Variants in TNRC18 observed in about 807,000 individuals in gnomAD.
The protein encoded by TNRC18 is trinucleotide repeat-containing gene 18 protein.
A neutral mutation model predicts 226.7 loss-of-function variants in TNRC18; 69 were observed. The ratio of observed to expected loss-of-function variants is 0.30; its 90% CI spans 0.25 to 0.37. The LOEUF (loss-of-function observed/expected upper bound fraction) is 0.37. TNRC18 is among the 10% of genes least tolerant of loss of function. The probability of loss-of-function intolerance (pLI) is 1.00; values close to 1 mark genes in which losing one functional copy is unlikely to be tolerated. For synonymous variants in TNRC18, 2,449 were observed against 1,927.6 expected, an observed-to-expected ratio of 1.27 and a Z score of -7.09; for missense variants, 4,754 against 4,256.6, an observed-to-expected ratio of 1.12 and a Z score of -3.25.
intron 24 of TNRC18, among the ~76,000 whole-genome samples, chr7:5,317,633 G>T (rs1157559438): frequency 6.7e-6 from 1 of 150,290 alleles, no homozygotes; most frequent in African/African-American, 2.4e-5. Context: ...AATCCTCTGA[G>T]AAAGTTTAAA....
intron 2 of TNRC18, among the ~76,000 whole-genome samples, chr7:5,414,136 G>A (rs948026218): frequency 6.6e-6 from 1 of 151,558 alleles, no homozygotes; most frequent in Non-Finnish European, 1.5e-5. Context: ...TAGTAGAGAT[G>A]GGATTTCACC....
intron 18 of TNRC18, among the ~76,000 whole-genome samples, chr7:5,336,105 G>A (rs1266388572): frequency 6.6e-6 from 1 of 151,956 alleles, no homozygotes; most frequent in Admixed American, 6.6e-5. Flanking sequence ...TACTTGGGAT[G>A]CTGAGGCACA....
In TNRC18 at chr7:5,389,058, G is replaced by C. The variant is rs923869129; in HGVS notation, c.766C>G (p.Pro256Ala). The C allele has an allele frequency of 3.9e-6, 5 of 1,285,166 alleles. No individual in the cohort carries two copies. In the African/African-American group the frequency reaches 6.4e-5, roughly 17 times the overall value. 79.6% of individuals were successfully genotyped at this position (1,285,166 alleles called of 1,614,324 possible). A position where few individuals can be genotyped will look rare whatever the true frequency, so the allele number is the denominator to read the frequency against. The change falls in exon 5 of 30, where the codon CCG becomes GCG. Residue 256 changes from proline (P) to alanine (A), a missense_variant. Physicochemically the swap from Pro to Ala is conservative, Grantham distance 27. Coordinates refer to ENST00000430969, the MANE Select transcript of TNRC18 (RefSeq NM_001080495.3). Reference protein sequence around the residue: ...RAEGRQDRGPPRLAERLSPFL... With the variant: ...RAEGRQDRGPARLAERLSPFL... ...GGCGACAGGCGCTCAGCCAGGCGCG[G>C]GGGCCCCCGGTCCTGGCGGCCCTCG...
intron 16 of TNRC18, among the ~76,000 whole-genome samples, chr7:5,356,216 C>T (rs1792358599): frequency 6.6e-6 from 1 of 151,130 alleles, no homozygotes; most frequent in Non-Finnish European, 1.5e-5. Context: ...GCCATGATGG[C>T]AGCAGGTTCC....
intron 19 of TNRC18, among the ~76,000 whole-genome samples, chr7:5,330,738 A>G (rs1250120859): frequency 6.6e-6 from 1 of 152,110 alleles, no homozygotes; most frequent in East Asian, 1.9e-4. Context: ...CAGTGGCACA[A>G]TCTCAGCTCA....
Position 5,347,095 on chromosome 7 carries a change from C to T in TNRC18, c.5471-1285G>A, listed in dbSNP as rs566714084. ...AGGTGGCTCACTCCTGTAATCCCAG[C>T]CCTCTGAGAGGCTGAGGCGGGAAGA... On this transcript the variant is annotated intron_variant, in intron 17 of 29. Coordinates refer to ENST00000430969, the MANE Select transcript of TNRC18 (RefSeq NM_001080495.3). Among the ~76,000 whole-genome samples, 115 of 152,206 alleles carry T rather than the reference C, an allele frequency of 7.6e-4. 1 individual carries two copies. The highest frequency in any genetic ancestry group is 1.4e-3 in the Non-Finnish European group (94 of 68,014).
At chr7:5,325,473 G>C (rs1319049127) in intron 19 of TNRC18, 1 of 494,474 alleles carries the variant, frequency 2.0e-6, no homozygotes, top group African/African-American at 2.1e-5. Context: ...ACCGAGGCTG[G>C]AGCGCAGTGG....
Position 5,376,657 on chromosome 7 carries a change from G to C in TNRC18, c.2608+190C>G, listed in dbSNP as rs11769299. Reference sequence around the variant, plus strand: ...TTCTCTTTATGGAGTTTTTGGGCAGGAGCTCATTGCAACAAGGACCCCAAG... The same window carrying C: ...TTCTCTTTATGGAGTTTTTGGGCAGCAGCTCATTGCAACAAGGACCCCAAG... On this transcript the variant is annotated intron_variant, in intron 8 of 29. Transcript: ENST00000430969. 5.8e-3 allele frequency among the ~76,000 whole-genome samples: 878 copies of C among 152,254 alleles called. 6 individuals carry two copies. The highest frequency in any genetic ancestry group is 8.2e-3 in the Non-Finnish European group (560 of 68,010).
In TNRC18 at chr7:5,357,330, G is replaced by C. The variant is rs1211956611; in HGVS notation, c.4834-54C>G. 3.3e-6 allele frequency: 5 copies of C among 1,529,636 alleles called. No homozygotes were observed. The Admixed American group carries it at 6.0e-5, about 18-fold the overall frequency. 94.8% of individuals were successfully genotyped at this position (1,529,636 alleles called of 1,614,324 possible). On this transcript the variant is annotated intron_variant, in intron 15 of 29. Transcript: ENST00000430969. The stretch of plus-strand genomic sequence containing the variant: ...AAAGATCTGACAAAACAGTATAGTG[G>C]GTTTCAGTGCACATGCTCTGCCCAG...
rs1269446103 is a variant in TNRC18, at chr7:5,374,265, T to C, written c.3019A>G (p.Lys1007Glu). 5 of 1,495,548 alleles carry C rather than the reference T, an allele frequency of 3.3e-6. No homozygotes were observed. Among genetic ancestry groups the C allele is most frequent in the Non-Finnish European group, 4.5e-6 (5 of 1,122,644 alleles). The allele number at this position is 1,495,548 out of a possible 1,614,324, so 92.6% of individuals were successfully genotyped here. ...RASPVAALKA[K>E]VIQKLEDVSK... ...ACGTCCTCCAGCTTCTGGATGACCT[T>C]GGCCTTCAGGGCAGCCACAGGGGAT... Residue 1007 changes from lysine (K) to glutamate (E), a missense_variant, in exon 10 of 30, where the codon AAG becomes GAG. By Grantham distance (56) the Lys-to-Glu change is moderately conservative. Coordinates refer to ENST00000430969, the MANE Select transcript of TNRC18 (RefSeq NM_001080495.3).
Position 5,377,257 on chromosome 7 carries a change from G to A in TNRC18, c.2461+114C>T. 1 of 1,234,430 alleles carries A rather than the reference G, an allele frequency of 8.1e-7. No homozygotes were observed. Among genetic ancestry groups the A allele is most frequent in the East Asian group, 2.6e-5 (1 of 38,980 alleles). 76.5% of individuals were successfully genotyped at this position (1,234,430 alleles called of 1,614,324 possible). Reference sequence around the variant, plus strand: ...TTCTTCCGACGAATGCGGGAGGCAGGCCCAGGCCCCCCAGGAAACGGCAGG... The same window carrying A: ...TTCTTCCGACGAATGCGGGAGGCAGACCCAGGCCCCCCAGGAAACGGCAGG... On this transcript the variant is annotated intron_variant, in intron 7 of 29. Coordinates refer to ENST00000430969, the MANE Select transcript of TNRC18 (RefSeq NM_001080495.3). The surrounding 1 kb of genome is among the most constrained non-coding windows in gnomAD (Gnocchi z 5.8).
chr7:5,308,118 G>A lies in TNRC18; in HGVS notation c.8895C>T (p.Pro2965=), dbSNP rs9639976. The change falls in exon 30 of 30, where the codon CCC becomes CCT. Residue 2965 remains proline, a synonymous_variant. Coordinates refer to ENST00000430969, the MANE Select transcript of TNRC18 (RefSeq NM_001080495.3). ...GGGCCCGGCGGGCTCAGCAGAGCAC[G>A]GGCACGCCGTCCGTGGAGAAGATCA... ...TGMIFSTDGV[P]VLC 0.25 allele frequency: 380,388 copies of A among 1,551,608 alleles called. 50,114 individuals carry two copies. The highest frequency in any genetic ancestry group is 0.27 in the Non-Finnish European group (312,815 of 1,148,248).
chr7:5,315,569 G>A (rs192835434), intron 25 of TNRC18, among the ~76,000 whole-genome samples: 78 of 152,146 alleles, frequency 5.1e-4, no homozygotes, highest in African/African-American at 1.5e-3. Context: ...GACTACAGGC[G>A]CATGTCACCA....
At chr7:5,363,710 G>C (rs968423163) in intron 11 of TNRC18, among the ~76,000 whole-genome samples, 8 of 152,100 alleles carry the variant, frequency 5.3e-5, no homozygotes, top group African/African-American at 7.2e-5. Context: ...GCCTCCAGAG[G>C]GAGGGCCTCC....
At position 5,309,394 on chromosome 7, in the gene TNRC18, C is replaced by A; in HGVS notation, c.8389-26G>T. 6.3e-7 allele frequency: 1 copy of A among 1,579,204 alleles called. No individual in the cohort carries two copies. Among genetic ancestry groups the A allele is most frequent in the South Asian group, 1.2e-5 (1 of 86,512 alleles). Reference sequence around the variant, plus strand: ...CTGCAAGGACACGTGTGTCACGGCACAGGCCCTGGCCCAGCCCCAAGGAGC... The same window carrying A: ...CTGCAAGGACACGTGTGTCACGGCAAAGGCCCTGGCCCAGCCCCAAGGAGC... On this transcript the variant is annotated intron_variant, in intron 27 of 29. Transcript: ENST00000430969. This position sits in a 1 kb window ranked among gnomAD's most constrained non-coding sequence, Gnocchi z 5.7.
chr7:5,320,302 G>A lies in TNRC18; in HGVS notation c.6745+16C>T. 1 of 1,541,354 alleles carries A rather than the reference G, an allele frequency of 6.5e-7. No individual in the cohort carries two copies. The highest frequency in any genetic ancestry group is 1.2e-5 in the South Asian group (1 of 83,722). On this transcript the variant is annotated intron_variant, in intron 24 of 29. Transcript: ENST00000430969. ...ATGTTAGGCGGCAGGGGAGAGCTGGGGAGGAGGCATCTCACCTCGGACCAC... is the reference window on the plus strand; with the variant it reads ...ATGTTAGGCGGCAGGGGAGAGCTGGAGAGGAGGCATCTCACCTCGGACCAC...
At chr7:5,378,608 C>T (rs1052411013) in intron 5 of TNRC18, among the ~76,000 whole-genome samples, 13 of 151,516 alleles carry the variant, frequency 8.6e-5, no homozygotes, top group African/African-American at 1.5e-4. Flanking sequence ...TTAGTAGAGA[C>T]GGGGCTTCAC....
At position 5,313,690 on chromosome 7, in the gene TNRC18, G is replaced by A. The variant is rs748121957; in HGVS notation, c.7201C>T (p.Pro2401Ser). The A allele has an allele frequency of 8.1e-6, 13 of 1,605,688 alleles. No individual in the cohort carries two copies. In the South Asian group the frequency reaches 1.2e-4, roughly 15 times the overall value. ...PAPPQPSPAP[P>S]AFTSCPAPEP... ...GGTGCTGGGCAGCTGGTGAAGGCGG[G>A]TGGTGCGGGACTGGGCTGCGGCGGT... Residue 2401 changes from proline to serine, a missense_variant, in exon 27 of 30, where the codon CCC becomes TCC. Pro to Ser is a moderately conservative substitution (Grantham distance 74, BLOSUM62 -1). Transcript: ENST00000430969.
At chr7:5,400,478 C>T (rs767415366) in intron 2 of TNRC18, among the ~76,000 whole-genome samples, 5 of 151,966 alleles carry the variant, frequency 3.3e-5, no homozygotes, top group African/African-American at 1.2e-4. Flanking sequence ...GGCATGGTGT[C>T]GTGTCCCTAT....
Sources: gnomAD v4.1 joint callset for allele counts (sites outside exome capture counted in the v4.1 genomes callset) on GRCh38, gnomAD v4.1.1 for gene constraint, Gnocchi (gnomAD v3.1) non-coding constraint, MANE v1.5 for transcripts, NCBI Gene and HGNC (gene_info 2026-07-23, HGNC 2026-07-21) for gene names.